The following ZFP36L1 variants were observed in gnomAD, a reference collection of about 807,000 sequenced individuals.
The protein encoded by ZFP36L1 is mRNA decay activator protein ZFP36L1.
ZFP36L1 carries 4 observed loss-of-function variants against 16.7 expected under a neutral mutation model. That is an observed-to-expected ratio of 0.24 (90% CI 0.12 to 0.55). ZFP36L1 has a LOEUF of 0.55. ZFP36L1 is among the 20% of genes least tolerant of loss of function. The probability of loss-of-function intolerance (pLI) is 0.94; values close to 1 mark genes in which losing one functional copy is unlikely to be tolerated. For missense variants in ZFP36L1, 311 were observed against 449.2 expected, an observed-to-expected ratio of 0.69 and a Z score of 2.78; for synonymous variants, 220 against 190.8, an observed-to-expected ratio of 1.15 and a Z score of -1.26.
chr14:68,790,252 G>A lies in ZFP36L1; in HGVS notation c.298C>T (p.Pro100Ser). The change falls in exon 2 of 2, where the codon CCC becomes TCC. Residue 100 changes from proline to serine, a missense_variant. Physicochemically the swap from Pro to Ser is moderately conservative, Grantham distance 74. Around this residue, in one of 4 missense-constraint regions of ZFP36L1, gnomAD observed 137 missense variants for 142.6 expected, o/e 0.96. Transcript: ENST00000439696. ...CCGCCCCCGGGCTGCTTCTGGGTGGGCAGCAGCCGCTCGCCCCCTTCCGAG... is the reference window on the plus strand; with the variant it reads ...CCGCCCCCGGGCTGCTTCTGGGTGGACAGCAGCCGCTCGCCCCCTTCCGAG... ...SFSEGGERLL[P>S]TQKQPGGGQV... 2 of 1,611,022 alleles carry A rather than the reference G, an allele frequency of 1.2e-6. No individual in the cohort carries two copies. Among genetic ancestry groups the A allele is most frequent in the Non-Finnish European group, 8.5e-7 (1 of 1,179,790 alleles).
chr14:68,791,221 A>C, intron 1 of ZFP36L1: 1 of 571,782 alleles, frequency 1.7e-6, no homozygotes, highest in Non-Finnish European at 3.1e-6. Context: ...CGCCCCCTTC[A>C]CTGAGAAGAT....
chr14:68,793,654 T>A (rs72731554), upstream of ZFP36L1: 177,230 of 985,446 alleles, frequency 0.18, 16,982 homozygotes, highest in Non-Finnish European at 0.19. Flanking sequence ...ACTTACCTTT[T>A]CCCGACTTCT....
At chr14:68,791,706 G>C (rs1895075025) in intron 1 of ZFP36L1, among the ~76,000 whole-genome samples, 1 of 152,130 alleles carries the variant, frequency 6.6e-6, no homozygotes, top group Non-Finnish European at 1.5e-5. Flanking sequence ...GGAGAGTCGA[G>C]AAAAGAAGGA....
chr14:68,790,057 C>G lies in ZFP36L1; in HGVS notation c.493G>C (p.Gly165Arg), dbSNP rs2140209316. Residue 165 changes from glycine to arginine, a missense_variant, in exon 2 of 2, where the codon GGC becomes CGC. By Grantham distance (125) the Gly-to-Arg change is moderately radical (BLOSUM62 -2). This residue lies in a region of ZFP36L1 where 24 missense variants were observed against 88.8 expected (regional missense o/e 0.27). Transcript: ENST00000439696. ...TELCRTFHTI[G>R]FCPYGPRCHF... ...CAGCGGGGCCCGTAGGGGCAAAAGCCGATGGTGTGGAAGGTGCGGCACAGC... is the reference window on the plus strand; with the variant it reads ...CAGCGGGGCCCGTAGGGGCAAAAGCGGATGGTGTGGAAGGTGCGGCACAGC... The G allele has an allele frequency of 6.2e-7, 1 of 1,610,838 alleles. No individual in the cohort carries two copies. Among genetic ancestry groups the G allele is most frequent in the Non-Finnish European group, 8.5e-7 (1 of 1,178,656 alleles).
intron 1 of ZFP36L1, among the ~76,000 whole-genome samples, chr14:68,792,286 A>G (rs1895100692): frequency 2.0e-5 from 3 of 151,926 alleles, no homozygotes; most frequent in Admixed American, 6.5e-5. Context: ...TTGCTGCACG[A>G]TCGGCTATCG....
Position 68,788,421 on chromosome 14 carries a change from A to G in ZFP36L1, c.*1112T>C, listed in dbSNP as rs971403313. The G allele has an allele frequency of 6.5e-6, 1 of 152,718 alleles. No individual in the cohort carries two copies. The highest frequency in any genetic ancestry group is 2.4e-5 in the African/African-American group (1 of 41,442). 9.5% of individuals were successfully genotyped at this position (152,718 alleles called of 1,614,324 possible). ...TGACAAGCAAAATTTTTGCTCTCCA[A>G]TTTCTGAAAGTTATATGAAGTTTAA... is the stretch of plus-strand genomic sequence containing the variant. On this transcript the variant is annotated 3_prime_UTR_variant, in exon 2 of 2. Coordinates refer to ENST00000439696, the MANE Select transcript of ZFP36L1 (RefSeq NM_004926.4).
At chr14:68,792,571 G>A (rs905417531) in intron 1 of ZFP36L1, among the ~76,000 whole-genome samples, 6 of 152,190 alleles carry the variant, frequency 3.9e-5, no homozygotes, top group South Asian at 2.1e-4. Flanking sequence ...ACGTAAAACA[G>A]GATCGCCCAA....
At chr14:68,790,845 CCT>C in intron 1 of ZFP36L1, 1 of 592,904 alleles carries the variant, frequency 1.7e-6, no homozygotes, top group East Asian at 2.8e-5. Context: ...ACAACCCAGA[CCT>C]CTCTAGATTA....
intron 1 of ZFP36L1, among the ~76,000 whole-genome samples, 156 bp downstream of exon 1, chr14:68,792,726 A>T (rs576766053): frequency 6.6e-6 from 1 of 152,332 alleles, no homozygotes; most frequent in African/African-American, 2.4e-5. Context: ...GGACGGGGCC[A>T]AATTCCTTCA....
intron 1 of ZFP36L1, among the ~76,000 whole-genome samples, chr14:68,790,787 TCAA>T (rs1895047345): frequency 6.6e-6 from 1 of 152,098 alleles, no homozygotes; most frequent in Non-Finnish European, 1.5e-5. Context: ...ACTTTAAAGT[TCAA>T]CTTTTTTACT....
upstream of ZFP36L1, chr14:68,795,903 G>T: frequency 1.1e-6 from 1 of 942,600 alleles, no homozygotes; most frequent in Non-Finnish European, 1.6e-6. Context: ...GGCGGGAGCC[G>T]ACCCGCCCTC....
chr14:68,787,921 AG>A lies in ZFP36L1; in HGVS notation c.*1611del, dbSNP rs139359644. The A allele has an allele frequency of 0.014, 1,944 of 141,594 alleles. 15 individuals carry two copies. The highest frequency in any genetic ancestry group is 0.026 in the South Asian group (113 of 4,280). 8.8% of individuals were successfully genotyped at this position (141,594 alleles called of 1,614,324 possible). The stretch of plus-strand genomic sequence containing the variant: ...CTTGAGATGGGCACGTGGAAGTCAA[AG>A]GGTTTCTCTTTTTTTTTTTTTCCCC... On this transcript the variant is annotated 3_prime_UTR_variant, in exon 2 of 2. Coordinates refer to ENST00000439696, the MANE Select transcript of ZFP36L1 (RefSeq NM_004926.4).
chr14:68,795,083 ATTCAAGTGTAGGTTTCT>A (rs1895212281), upstream of ZFP36L1, among the ~76,000 whole-genome samples: 1 of 151,838 alleles, frequency 6.6e-6, no homozygotes, highest in African/African-American at 2.4e-5. Context: ...AATTTAAATC[ATTCAAGTGTAGGTTTCT>A]TTCTTAGAGG....
chr14:68,792,325 G>A (rs78731463), intron 1 of ZFP36L1, among the ~76,000 whole-genome samples: 1 of 152,166 alleles, frequency 6.6e-6, no homozygotes, highest in South Asian at 2.1e-4. Flanking sequence ...AGCTAGGGCG[G>A]ACTCAAGCCC....
chr14:68,790,256 C>A lies in ZFP36L1; in HGVS notation c.294G>T (p.Leu98=), dbSNP rs762814532. ...DRSFSEGGER[L]LPTQKQPGGG... is the part of the protein sequence containing the mutation. ...CCCCGGGCTGCTTCTGGGTGGGCAG[C>A]AGCCGCTCGCCCCCTTCCGAGAAGG... is the stretch of plus-strand genomic sequence containing the variant. Residue 98 remains leucine, a synonymous_variant, in exon 2 of 2, where the codon CTG becomes CTT. Transcript: ENST00000439696. 4 of 1,611,064 alleles carry A rather than the reference C, an allele frequency of 2.5e-6. No homozygotes were observed. Among genetic ancestry groups the A allele is most frequent in the Non-Finnish European group, 2.5e-6 (3 of 1,179,868 alleles).
At chr14:68,792,544 G>A (rs1043972215) in intron 1 of ZFP36L1, among the ~76,000 whole-genome samples, 14 of 152,154 alleles carry the variant, frequency 9.2e-5, no homozygotes, top group African/African-American at 2.9e-4. Context: ...AGCAAACCTG[G>A]GATCCAGCAG....
upstream of ZFP36L1, among the ~76,000 whole-genome samples, chr14:68,795,438 G>A (rs55945181): frequency 4.5e-4 from 69 of 152,276 alleles, no homozygotes; most frequent in African/African-American, 1.6e-3. Flanking sequence ...AGCGGGCGGG[G>A]CCCCCTTCCC....
In ZFP36L1 at chr14:68,789,671, G is replaced by A; in HGVS notation, c.879C>T (p.Pro293=). 1.9e-6 allele frequency: 3 copies of A among 1,613,866 alleles called. No individual in the cohort carries two copies. The highest frequency in any genetic ancestry group is 2.5e-6 in the Non-Finnish European group (3 of 1,179,878). ...GGTCCGAGAGAGAATCCTGAGGGCTGGGGGGAGAGTCAAACATGTGAGGGG... is the reference window on the plus strand; with the variant it reads ...GGTCCGAGAGAGAATCCTGAGGGCTAGGGGGAGAGTCAAACATGTGAGGGG... ...SESPHMFDSP[P]SPQDSLSDQE... The change falls in exon 2 of 2, where the codon CCC becomes CCT. Residue 293 remains proline (P), a synonymous_variant. Transcript: ENST00000439696. The surrounding 1 kb of genome is among the most constrained non-coding windows in gnomAD (Gnocchi z 4.5).
At chr14:68,793,118 G>A (rs761318966), upstream of ZFP36L1, 15 of 1,465,660 alleles carry the variant, frequency 1.0e-5, 1 homozygote, top group South Asian at 1.9e-4. Context: ...TGGTGGGCCG[G>A]GGGGAGGAGG....
Sources: gnomAD v4.1 joint callset for allele counts (sites outside exome capture counted in the v4.1 genomes callset) on GRCh38, gnomAD v4.1.1 for gene constraint, gnomAD v4.1.1 regional missense constraint, Gnocchi (gnomAD v3.1) non-coding constraint, MANE v1.5 for transcripts, NCBI Gene and HGNC (gene_info 2026-07-23, HGNC 2026-07-21) for gene names.